The following UBL3 variants were observed in gnomAD, a reference collection of about 807,000 sequenced individuals.
The protein encoded by UBL3 is ubiquitin like 3.
In UBL3, 6 loss-of-function variants were observed where a neutral mutation model predicts 18.4. The ratio of observed to expected loss-of-function variants is 0.33; its 90% CI spans 0.18 to 0.64. UBL3 has a LOEUF of 0.64. UBL3 is among the 30% of genes least tolerant of loss of function. The pLI is 0.76. For synonymous variants in UBL3, 49 were observed against 46.6 expected, an observed-to-expected ratio of 1.05 and a Z score of -0.21; for missense variants, 109 against 142.9, an observed-to-expected ratio of 0.76 and a Z score of 1.21.
chr13:29,841,952 G>C (rs1701294628), intron 1 of UBL3, among the ~76,000 whole-genome samples: 1 of 152,068 alleles, frequency 6.6e-6, no homozygotes, highest in Non-Finnish European at 1.5e-5. Context: ...CATTCTGTAA[G>C]TGATTATGTT....
chr13:29,846,949 G>A (rs1379628138), intron 1 of UBL3, among the ~76,000 whole-genome samples: 4 of 152,208 alleles, frequency 2.6e-5, no homozygotes, highest in African/African-American at 7.2e-5. Flanking sequence ...TATGTCATTA[G>A]CTTTGCTGTG....
chr13:29,837,721 G>A (rs1202434880), intron 1 of UBL3, among the ~76,000 whole-genome samples: 1 of 152,008 alleles, frequency 6.6e-6, no homozygotes, highest in Non-Finnish European at 1.5e-5. Context: ...CTTGAGGCCA[G>A]GAGTTTGAGA....
At chr13:29,823,377 G>A (rs1245333245) in intron 1 of UBL3, among the ~76,000 whole-genome samples, 1 of 152,170 alleles carries the variant, frequency 6.6e-6, no homozygotes, top group Non-Finnish European at 1.5e-5. Context: ...CCGACCTCAG[G>A]TGATCCGCCC....
chr13:29,845,720 T>G (rs1344285534), intron 1 of UBL3, among the ~76,000 whole-genome samples: 1 of 152,098 alleles, frequency 6.6e-6, no homozygotes, highest in Non-Finnish European at 1.5e-5. Flanking sequence ...TGGAAAAAAC[T>G]TGAATTGTCA....
intron 1 of UBL3, among the ~76,000 whole-genome samples, chr13:29,778,767 T>G (rs1375685981): frequency 6.6e-6 from 1 of 152,178 alleles, no homozygotes; most frequent in Non-Finnish European, 1.5e-5. Flanking sequence ...ATTTGAAAAT[T>G]TTGTTGAAAG....
At chr13:29,788,287 C>T (rs775308118) in intron 1 of UBL3, among the ~76,000 whole-genome samples, 1 of 152,160 alleles carries the variant, frequency 6.6e-6, no homozygotes, top group Non-Finnish European at 1.5e-5. Flanking sequence ...TCCCAGATTC[C>T]CTCTCTCCTA....
intron 1 of UBL3, among the ~76,000 whole-genome samples, chr13:29,835,104 ATAAATATATAT>A (rs1878895200): frequency 7.2e-5 from 2 of 27,952 alleles, no homozygotes; most frequent in Admixed American, 1.1e-3. Context: ...ATATATATAT[ATAAATATATAT>A]ATATATATAA....
chr13:29,833,077 G>A (rs1878823057), intron 1 of UBL3, among the ~76,000 whole-genome samples: 3 of 152,186 alleles, frequency 2.0e-5, no homozygotes, highest in African/African-American at 7.2e-5. Context: ...AGGAGATGAG[G>A]CTGGAATGCG....
intron 2 of UBL3, among the ~76,000 whole-genome samples, chr13:29,773,909 AT>A (rs1384408791): frequency 1.3e-5 from 2 of 152,126 alleles, no homozygotes; most frequent in African/African-American, 4.8e-5. Context: ...TGCACGAAGT[AT>A]TTTCTGCTAT....
In UBL3 at chr13:29,839,643, A is replaced by G. The variant is rs73157166; in HGVS notation, c.27+9869T>C. On this transcript the variant is annotated intron_variant, in intron 1 of 4. Transcript: ENST00000380680. ...CCATCTCTTAAAAAGATTTTAAAAA[A>G]TAGGCCGGGCGCAGTGGCTCACGCC... 2.5e-3 allele frequency among the ~76,000 whole-genome samples: 377 copies of G among 152,208 alleles called. 1 individual carries two copies. Among genetic ancestry groups the G allele is most frequent in the Non-Finnish European group, 4.7e-3 (322 of 67,998 alleles).
intron 2 of UBL3, among the ~76,000 whole-genome samples, chr13:29,773,283 G>A (rs1876893759): frequency 6.6e-6 from 1 of 152,058 alleles, no homozygotes; most frequent in Admixed American, 6.6e-5. Flanking sequence ...ATGAGCAGAG[G>A]AGAAATGAAT....
intron 1 of UBL3, among the ~76,000 whole-genome samples, chr13:29,790,566 A>C (rs1009509551): frequency 2.0e-5 from 3 of 152,158 alleles, no homozygotes; most frequent in African/African-American, 7.2e-5. Context: ...ACCAACCCCC[A>C]AGAGGTATTC....
chr13:29,821,397 T>C (rs756075072), intron 1 of UBL3, among the ~76,000 whole-genome samples: 1 of 152,232 alleles, frequency 6.6e-6, no homozygotes, highest in African/African-American at 2.4e-5. Context: ...TTTTTACAGC[T>C]GTACTGCGTC....
intron 1 of UBL3, among the ~76,000 whole-genome samples, chr13:29,836,945 G>A (rs182673360): frequency 6.6e-6 from 1 of 152,308 alleles, no homozygotes; most frequent in Non-Finnish European, 1.5e-5. Flanking sequence ...GAGGTATCTT[G>A]GTAAACATGG....
At chr13:29,793,082 A>G (rs1877523126) in intron 1 of UBL3, among the ~76,000 whole-genome samples, 1 of 152,216 alleles carries the variant, frequency 6.6e-6, no homozygotes, top group African/African-American at 2.4e-5. Flanking sequence ...ACAGAAAGCA[A>G]AACAAATGGC....
chr13:29,842,519 A>G (rs1289748529), intron 1 of UBL3, among the ~76,000 whole-genome samples: 4 of 152,058 alleles, frequency 2.6e-5, no homozygotes, highest in African/African-American at 4.8e-5. Context: ...TAGCTGCAAA[A>G]CAGTCAACCT....
chr13:29,835,107 AAT>A (rs777840058), intron 1 of UBL3, among the ~76,000 whole-genome samples: 1,488 of 23,644 alleles, frequency 0.063, 130 homozygotes, highest in East Asian at 0.14. Flanking sequence ...TATATATATA[AAT>A]ATATATATAT....
chr13:29,833,682 G>A (rs1297157778), intron 1 of UBL3, among the ~76,000 whole-genome samples: 2 of 152,090 alleles, frequency 1.3e-5, no homozygotes, highest in Non-Finnish European at 2.9e-5. Flanking sequence ...GACATACTCA[G>A]CACTCCCAAC....
intron 1 of UBL3, among the ~76,000 whole-genome samples, chr13:29,795,756 A>G (rs1341195262): frequency 2.1e-4 from 11 of 51,166 alleles, no homozygotes; most frequent in African/African-American, 5.6e-4. Context: ...CTCATCTCAG[A>G]AAAAAAAAAA....
Sources: allele counts gnomAD v4.1 joint callset (sites outside exome capture counted in the v4.1 genomes callset), GRCh38; gene constraint gnomAD v4.1.1; transcripts MANE v1.5; gene names NCBI Gene and HGNC (gene_info 2026-07-23, HGNC 2026-07-21).